The following SLC2A9 variants were observed in gnomAD, a reference collection of about 807,000 sequenced individuals.
The protein encoded by SLC2A9 is solute carrier family 2, facilitated glucose transporter member 9.
A neutral mutation model predicts 50.6 loss-of-function variants in SLC2A9; 39 were observed. The ratio of observed to expected loss-of-function variants is 0.77; its 90% confidence interval spans 0.60 to 1.01. The LOEUF is 1.01. SLC2A9 is among the 50% of genes least tolerant of loss of function. The pLI, the probability that SLC2A9 is intolerant of heterozygous loss-of-function variation, is 0.00. For missense variants in SLC2A9, 686 were observed against 677.6 expected (o/e 1.01, Z -0.14); for synonymous variants, 324 against 276.9 (o/e 1.17, Z -1.69).
chr4:9,901,993 C>A (rs951789028), intron 8 of SLC2A9, among the ~76,000 whole-genome samples: 5 of 152,192 alleles, frequency 3.3e-5, no homozygotes, highest in African/African-American at 1.2e-4. Context: ...GCGTACCCAC[C>A]CTACATGCCC....
At chr4:9,779,330 G>A (rs1718006615), downstream of SLC2A9, among the ~76,000 whole-genome samples, 1 of 151,854 alleles carries the variant, frequency 6.6e-6, no homozygotes, top group African/African-American at 2.4e-5. Context: ...ATAAGGCTGT[G>A]AACTTTCCCT....
At chr4:9,935,875 T>G (rs1472238322) in intron 6 of SLC2A9, among the ~76,000 whole-genome samples, 1 of 152,168 alleles carries the variant, frequency 6.6e-6, no homozygotes, top group African/African-American at 2.4e-5. Flanking sequence ...AACATTAAAA[T>G]GAGCACTGCT....
In SLC2A9 at chr4:9,977,372, T is replaced by A. The variant is rs76303054; in HGVS notation, c.681+3220A>T. On this transcript the variant is annotated intron_variant, in intron 5 of 11. Transcript: ENST00000264784. ...TGTCTCTTGAAAATCAGAAAATCTG[T>A]CATCTCTAGGCCAGTGTCTGTGATG... Among the ~76,000 whole-genome samples, 1,436 of 152,226 alleles carry A rather than the reference T, an allele frequency of 9.4e-3. 27 individuals are homozygous for A. Among genetic ancestry groups the A allele is most frequent in the African/African-American group, 0.033 (1,385 of 41,514 alleles).
chr4:9,982,999 G>C (rs540164804), intron 4 of SLC2A9, among the ~76,000 whole-genome samples: 1 of 152,264 alleles, frequency 6.6e-6, no homozygotes, highest in South Asian at 2.1e-4. Flanking sequence ...CTCCCGAGTA[G>C]CTGGGATTAC....
intron 5 of SLC2A9, among the ~76,000 whole-genome samples, chr4:9,959,533 A>G (rs976167888): frequency 6.6e-6 from 1 of 152,218 alleles, no homozygotes. Context: ...GAATTATCAA[A>G]TAACAGGTAA....
chr4:9,942,732 G>A (rs1748402324), intron 5 of SLC2A9, among the ~76,000 whole-genome samples: 1 of 152,190 alleles, frequency 6.6e-6, no homozygotes, highest in Non-Finnish European at 1.5e-5. Flanking sequence ...ATGAAGCCCA[G>A]AGCACACGTT....
rs542664885 is a variant in SLC2A9, at chr4:9,875,175, C to G, written c.1291+12392G>C. 2.4e-4 allele frequency among the ~76,000 whole-genome samples: 30 copies of G among 125,406 alleles called. 4 individuals are homozygous for G. The South Asian group carries it at 8.9e-3, about 37-fold the overall frequency. 82.3% of individuals were successfully genotyped at this position (125,406 alleles called of 152,430 possible). A position where few individuals can be genotyped will look rare whatever the true frequency, so the allele number is the denominator to read the frequency against. ...GGGATGCTGTGTCTTTAGAAATGGCCATAGGTTAGCATCTGTCTAAGATGG... is the reference window on the plus strand; with the variant it reads ...GGGATGCTGTGTCTTTAGAAATGGCGATAGGTTAGCATCTGTCTAAGATGG... On this transcript the variant is annotated intron_variant, in intron 10 of 11. Transcript: ENST00000264784.
intron 10 of SLC2A9, among the ~76,000 whole-genome samples, chr4:9,883,924 G>A (rs1193317119): frequency 2.0e-5 from 3 of 152,330 alleles, no homozygotes; most frequent in Non-Finnish European, 2.9e-5. Flanking sequence ...ACTGGAATAC[G>A]AGTGGAGAAG....
intron 5 of SLC2A9, among the ~76,000 whole-genome samples, chr4:9,951,325 T>C (rs1472897995): frequency 6.6e-6 from 1 of 151,998 alleles, no homozygotes; most frequent in Non-Finnish European, 1.5e-5. Flanking sequence ...TAAAGATAGA[T>C]AACAGAGACA....
At chr4:9,842,695 A>T (rs1728269225) in intron 10 of SLC2A9, among the ~76,000 whole-genome samples, 1 of 152,214 alleles carries the variant, frequency 6.6e-6, no homozygotes, top group Non-Finnish European at 1.5e-5. Context: ...GGTACTCTTC[A>T]TATCACAGTA....
rs1431043546 is a variant in SLC2A9, at chr4:9,963,151, G to A, written c.681+17441C>T. ...AAGTCACATGTTGCAATGGTGGCAG[G>A]CAAGAGAGAGCATGTACAGGGGAGC... On this transcript the variant is annotated intron_variant, in intron 5 of 11. Transcript: ENST00000264784. Among the ~76,000 whole-genome samples the A allele has an allele frequency of 1.3e-5, 2 of 152,156 alleles. 1 individual carries two copies. Among genetic ancestry groups the A allele is most frequent in the Non-Finnish European group, 2.9e-5 (2 of 68,038 alleles).
At chr4:9,823,371 T>C (rs1300534751), downstream of SLC2A9, among the ~76,000 whole-genome samples, 1 of 152,182 alleles carries the variant, frequency 6.6e-6, no homozygotes, top group Admixed American at 6.5e-5. Flanking sequence ...GCAAAGCTCA[T>C]GAAAATGTCT....
chr4:9,899,914 C>G (rs1219582283), intron 8 of SLC2A9, among the ~76,000 whole-genome samples: 1 of 152,226 alleles, frequency 6.6e-6, no homozygotes, highest in African/African-American at 2.4e-5. Context: ...GGTCACTTTA[C>G]AAGCTTGGCT....
chr4:9,965,480 G>C (rs1278086641), intron 5 of SLC2A9, among the ~76,000 whole-genome samples: 2 of 152,194 alleles, frequency 1.3e-5, no homozygotes, highest in African/African-American at 4.8e-5. Context: ...TGCTAAGAAA[G>C]AGCTGCCATC....
At chr4:10,016,770 T>A (rs1453316631) in intron 2 of SLC2A9, among the ~76,000 whole-genome samples, 1 of 152,162 alleles carries the variant, frequency 6.6e-6, no homozygotes, top group Non-Finnish European at 1.5e-5. Context: ...GGGTGTGTCA[T>A]GGTTAAAGAA....
downstream of SLC2A9, among the ~76,000 whole-genome samples, chr4:9,825,918 T>C (rs1291928790): frequency 2.6e-5 from 4 of 152,352 alleles, no homozygotes; most frequent in Admixed American, 6.5e-5. Context: ...CCTAGGGTCA[T>C]TGAGGCACTG....
At chr4:9,800,041 A>T (rs1721180004) in intron 3 of SLC2A9, among the ~76,000 whole-genome samples, 1 of 152,212 alleles carries the variant, frequency 6.6e-6, no homozygotes. Context: ...GAAAGAGATG[A>T]GCTCAGAAAA....
At chr4:9,779,500 C>T (rs188711042), downstream of SLC2A9, among the ~76,000 whole-genome samples, 195 of 150,562 alleles carry the variant, frequency 1.3e-3, no homozygotes, top group African/African-American at 4.5e-3. Flanking sequence ...CTGCAAGCTC[C>T]GCCTCCTGGG....
intron 7 of SLC2A9, among the ~76,000 whole-genome samples, chr4:9,912,260 T>G (rs902241085): frequency 1.3e-5 from 2 of 152,000 alleles, no homozygotes; most frequent in Non-Finnish European, 2.9e-5. Flanking sequence ...CTGCACGTTG[T>G]GCACATGTAC....
Sources: allele counts gnomAD v4.1 joint callset (sites outside exome capture counted in the v4.1 genomes callset), GRCh38; gene constraint gnomAD v4.1.1; transcripts MANE v1.5; gene names NCBI Gene and HGNC (gene_info 2026-07-23, HGNC 2026-07-21).